Variants in FRMD4A observed in about 807,000 individuals in gnomAD.
The protein encoded by FRMD4A is FERM domain containing 4A.
A neutral mutation model predicts 129.1 loss-of-function variants in FRMD4A; 29 were observed. That is an observed-to-expected ratio of 0.22 (90% CI 0.17 to 0.31). FRMD4A has a LOEUF of 0.31. Ranked by LOEUF, FRMD4A falls within the 10% of genes least tolerant of loss-of-function variation. The probability of loss-of-function intolerance (pLI) is 1.00; values close to 1 mark genes in which losing one functional copy is unlikely to be tolerated. For synonymous variants in FRMD4A, 634 were observed against 571.6 expected (o/e 1.11, Z -1.56); for missense variants, 1,272 against 1,375.8 (o/e 0.92, Z 1.19).
chr10:13,879,963 T>A (rs1269879321), intron 2 of FRMD4A, among the ~76,000 whole-genome samples: 4 of 152,070 alleles, frequency 2.6e-5, no homozygotes, highest in East Asian at 3.9e-4. Flanking sequence ...ATACATTATA[T>A]TCTTATTATT....
At chr10:14,315,110 T>A (rs1016129730) in intron 2 of FRMD4A, among the ~76,000 whole-genome samples, 4 of 152,148 alleles carry the variant, frequency 2.6e-5, no homozygotes, top group Non-Finnish European at 5.9e-5. Context: ...TTGCCTTTTT[T>A]ACGGACTCTC....
intron 2 of FRMD4A, among the ~76,000 whole-genome samples, chr10:13,900,467 C>A (rs1426952962): frequency 3.3e-5 from 5 of 152,160 alleles, no homozygotes; most frequent in South Asian, 4.1e-4. Context: ...AATTAAAGTA[C>A]CTTGGAGCCC....
intron 2 of FRMD4A, among the ~76,000 whole-genome samples, chr10:14,102,876 T>C (rs1377407993): frequency 2.6e-5 from 4 of 152,168 alleles, no homozygotes; most frequent in African/African-American, 9.7e-5. Flanking sequence ...TTTTCCAATA[T>C]GATAGGCAGG....
At chr10:14,002,920 CA>C (rs1456103229) in intron 2 of FRMD4A, among the ~76,000 whole-genome samples, 1 of 152,158 alleles carries the variant, frequency 6.6e-6, no homozygotes, top group African/African-American at 2.4e-5. Context: ...GAACAGCAAA[CA>C]TGTCCACGCA....
chr10:14,110,872 C>T (rs1371099521), intron 2 of FRMD4A, among the ~76,000 whole-genome samples: 2 of 152,104 alleles, frequency 1.3e-5, no homozygotes, highest in East Asian at 1.9e-4. Flanking sequence ...CCTTCTGTCA[C>T]CTAGGCTGGA....
intron 4 of FRMD4A, among the ~76,000 whole-genome samples, chr10:13,798,182 G>A (rs867217887): frequency 2.6e-5 from 4 of 151,916 alleles, no homozygotes; most frequent in South Asian, 2.1e-4. Context: ...AGGCGAAGGC[G>A]AGCGGATCAC....
chr10:13,762,568 T>G, intron 7 of FRMD4A, 56 bp downstream of exon 7: 1 of 1,013,980 alleles, frequency 9.9e-7, no homozygotes, highest in Non-Finnish European at 1.6e-6. Context: ...TAAGTCTTAC[T>G]TCCTTTCTTC....
intron 2 of FRMD4A, among the ~76,000 whole-genome samples, chr10:13,948,294 C>T (rs1181673214): frequency 6.6e-6 from 1 of 152,100 alleles, no homozygotes; most frequent in Non-Finnish European, 1.5e-5. Context: ...TCAAGCGATC[C>T]TCCCTCCTTA....
At chr10:14,297,338 G>A (rs1024531197) in intron 2 of FRMD4A, among the ~76,000 whole-genome samples, 34 of 152,194 alleles carry the variant, frequency 2.2e-4, no homozygotes, top group African/African-American at 8.2e-4. Context: ...CCTTATTCCT[G>A]CAGCTCTAAT....
intron 3 of FRMD4A, among the ~76,000 whole-genome samples, chr10:13,847,258 G>A (rs921059723): frequency 4.6e-5 from 7 of 152,180 alleles, no homozygotes; most frequent in African/African-American, 1.7e-4. Context: ...GGTGGGACAG[G>A]GGCTCTGGCA....
intron 2 of FRMD4A, among the ~76,000 whole-genome samples, chr10:14,002,647 G>A (rs759994955): frequency 9.2e-5 from 14 of 152,276 alleles, no homozygotes; most frequent in Admixed American, 4.6e-4. Context: ...GCCATCGTAC[G>A]GAGGATTATG....
chr10:13,952,769 C>G (rs751423353), intron 2 of FRMD4A, among the ~76,000 whole-genome samples: 1 of 152,214 alleles, frequency 6.6e-6, no homozygotes, highest in Non-Finnish European at 1.5e-5. Context: ...TCTCAGCTCA[C>G]TGCAGCCTCT....
At chr10:14,120,705 T>C (rs918763987) in intron 2 of FRMD4A, among the ~76,000 whole-genome samples, 5 of 152,186 alleles carry the variant, frequency 3.3e-5, no homozygotes, top group Non-Finnish European at 7.3e-5. Flanking sequence ...TTCTAGTTTT[T>C]TGGGGAGCAG....
At chr10:14,281,295 T>G (rs1482839595) in intron 2 of FRMD4A, among the ~76,000 whole-genome samples, 2 of 152,162 alleles carry the variant, frequency 1.3e-5, no homozygotes, top group Non-Finnish European at 2.9e-5. Context: ...CCCAGCCTGG[T>G]TTTGCTTTAA....
chr10:13,992,635 G>A (rs1588697119), intron 2 of FRMD4A, among the ~76,000 whole-genome samples: 1 of 152,272 alleles, frequency 6.6e-6, no homozygotes, highest in East Asian at 1.9e-4. Flanking sequence ...TAACTATGTT[G>A]ATATTTGATT....
intron 2 of FRMD4A, among the ~76,000 whole-genome samples, chr10:13,882,541 G>C (rs934336966): frequency 6.6e-6 from 1 of 152,192 alleles, no homozygotes; most frequent in Non-Finnish European, 1.5e-5. Flanking sequence ...CTGCTTTGGG[G>C]AATAGTATTT....
At chr10:14,205,992 A>G (rs1842771756) in intron 2 of FRMD4A, among the ~76,000 whole-genome samples, 1 of 151,868 alleles carries the variant, frequency 6.6e-6, no homozygotes, top group Non-Finnish European at 1.5e-5. Flanking sequence ...GATTTATGGC[A>G]TATTCTGGAG....
intron 2 of FRMD4A, among the ~76,000 whole-genome samples, chr10:14,042,762 A>G (rs1193763999): frequency 5.3e-5 from 8 of 151,852 alleles, no homozygotes; most frequent in African/African-American, 1.9e-4. Flanking sequence ...CAGGAGTTTG[A>G]GACCAGCCTG....
intron 2 of FRMD4A, among the ~76,000 whole-genome samples, chr10:14,040,662 C>T (rs1356316371): frequency 2.0e-5 from 3 of 152,196 alleles, no homozygotes; most frequent in African/African-American, 7.2e-5. Flanking sequence ...GACTTTCCAC[C>T]TGCAGTTAGG....
Sources: allele counts gnomAD v4.1 joint callset (sites outside exome capture counted in the v4.1 genomes callset), GRCh38; gene constraint gnomAD v4.1.1; transcripts MANE v1.5; gene names NCBI Gene and HGNC (gene_info 2026-07-23, HGNC 2026-07-21).